Variants in MBTD1 observed in about 807,000 individuals in gnomAD.
The protein encoded by MBTD1 is MBT domain-containing protein 1.
A neutral mutation model predicts 87.8 loss-of-function variants in MBTD1; 24 were observed. That is an observed-to-expected ratio of 0.27 (90% CI 0.20 to 0.38). The LOEUF (loss-of-function observed/expected upper bound fraction) is 0.38. Ranked by LOEUF, MBTD1 falls within the 10% of genes least tolerant of loss-of-function variation. The pLI, the probability that MBTD1 is intolerant of heterozygous loss-of-function variation, is 1.00. For missense variants in MBTD1, 436 were observed against 760.2 expected, an observed-to-expected ratio of 0.57 and a Z score of 5.02; for synonymous variants, 237 against 248.6, an observed-to-expected ratio of 0.95 and a Z score of 0.44.
At chr17:51,244,313 T>C (rs148086191) in intron 2 of MBTD1, among the ~76,000 whole-genome samples, 14 of 152,346 alleles carry the variant, frequency 9.2e-5, no homozygotes, top group South Asian at 2.1e-4. Flanking sequence ...ATGAATTCAC[T>C]AACTTCTATT....
chr17:51,239,024 T>G (rs1266049699), intron 2 of MBTD1, among the ~76,000 whole-genome samples: 1 of 151,988 alleles, frequency 6.6e-6, no homozygotes, highest in Non-Finnish European at 1.5e-5. Context: ...TGCTTGAACT[T>G]TGGAGGAGGA....
At chr17:51,202,578 A>G (rs1179840099) in intron 10 of MBTD1, 123 bp downstream of exon 10, 2 of 731,900 alleles carry the variant, frequency 2.7e-6, no homozygotes, top group African/African-American at 3.5e-5. Flanking sequence ...TTAAGGTAGA[A>G]GAAGCAGCCC....
intron 2 of MBTD1, among the ~76,000 whole-genome samples, chr17:51,236,932 G>A (rs1598406397): frequency 6.6e-6 from 1 of 152,038 alleles, no homozygotes; most frequent in Admixed American, 6.6e-5. Flanking sequence ...TAAAACTTCT[G>A]GGAAAAATAT....
chr17:51,181,021 C>CTTTTT (rs57226972), intron 16 of MBTD1, among the ~76,000 whole-genome samples: 1 of 122,752 alleles, frequency 8.1e-6, no homozygotes, highest in Non-Finnish European at 1.7e-5. Context: ...GAAGTACAAT[C>CTTTTT]TTTTTTTTTT....
chr17:51,194,566 CAAAAAAAAAAA>C (rs71355733), intron 13 of MBTD1, among the ~76,000 whole-genome samples: 5 of 19,752 alleles, frequency 2.5e-4, no homozygotes, highest in South Asian at 2.2e-3. Context: ...GAGACTGTCT[CAAAAAAAAAAA>C]AAAAAAAAAA....
intron 10 of MBTD1, 152 bp from the exon 11 acceptor site, chr17:51,202,229 G>A: frequency 3.3e-6 from 2 of 613,422 alleles, no homozygotes. Context: ...TTCTTTAATA[G>A]TCTTTTCTCT....
At chr17:51,251,394 G>T (rs1347536648) in intron 2 of MBTD1, 2 of 152,050 alleles carry the variant, frequency 1.3e-5, no homozygotes, top group Non-Finnish European at 2.9e-5. Context: ...CCCTTATGAG[G>T]CAATGCTTAT....
At chr17:51,212,412 G>A (rs960034466) in intron 6 of MBTD1, among the ~76,000 whole-genome samples, 16 of 148,158 alleles carry the variant, frequency 1.1e-4, no homozygotes, top group African/African-American at 4.0e-4. Flanking sequence ...CAGCTGAAAA[G>A]TTTCTGCATC....
intron 16 of MBTD1, among the ~76,000 whole-genome samples, chr17:51,182,358 CTCA>C (rs2050352396): frequency 6.6e-6 from 1 of 152,010 alleles, no homozygotes; most frequent in African/African-American, 2.4e-5. Context: ...AACTCCTAGC[CTCA>C]TGTGATCCAC....
chr17:51,205,128 A>G (rs2051743625), intron 7 of MBTD1, among the ~76,000 whole-genome samples: 1 of 152,246 alleles, frequency 6.6e-6, no homozygotes, highest in African/African-American at 2.4e-5. Flanking sequence ...AAAAAGGCCA[A>G]TATATGTGTA....
At chr17:51,232,102 G>A (rs77236165) in intron 2 of MBTD1, among the ~76,000 whole-genome samples, 5,640 of 152,076 alleles carry the variant, frequency 0.037, 288 homozygotes, top group African/African-American at 0.11. Context: ...CCACGCTCTC[G>A]GTGAAGAGGC....
At chr17:51,220,511 C>T (rs76608655) in intron 3 of MBTD1, 48 bp from the exon 4 acceptor site, 41,071 of 1,435,956 alleles carry the variant, frequency 0.029, 678 homozygotes, top group Admixed American at 0.036. Context: ...ATAATAAAAT[C>T]AATCTTCATC....
intron 16 of MBTD1, among the ~76,000 whole-genome samples, chr17:51,181,768 G>T (rs1442282768): frequency 2.6e-5 from 4 of 152,186 alleles, no homozygotes; most frequent in African/African-American, 9.7e-5. Flanking sequence ...GTTCAAAGCT[G>T]AGTGCCTGCC....
chr17:51,236,933 G>A (rs1267690567), intron 2 of MBTD1, among the ~76,000 whole-genome samples: 3 of 151,994 alleles, frequency 2.0e-5, no homozygotes, highest in Admixed American at 2.0e-4. Flanking sequence ...AAAACTTCTG[G>A]GAAAAATATT....
At chr17:51,238,440 A>G (rs751826384) in intron 2 of MBTD1, among the ~76,000 whole-genome samples, 2 of 152,240 alleles carry the variant, frequency 1.3e-5, no homozygotes, top group Non-Finnish European at 2.9e-5. Flanking sequence ...TAGGAACTAC[A>G]TGATTCAGTA....
intron 6 of MBTD1, among the ~76,000 whole-genome samples, chr17:51,212,869 G>C (rs1167084028): frequency 6.6e-6 from 1 of 151,968 alleles, no homozygotes; most frequent in Non-Finnish European, 1.5e-5. Flanking sequence ...CAATTCTCCT[G>C]CCTCAGCCTC....
At chr17:51,239,401 AATTT>A (rs1251302714) in intron 2 of MBTD1, among the ~76,000 whole-genome samples, 1 of 152,172 alleles carries the variant, frequency 6.6e-6, no homozygotes, top group Non-Finnish European at 1.5e-5. Context: ...TTTATTTATA[AATTT>A]ATAAGTTACA....
At chr17:51,220,575 C>A in intron 3 of MBTD1, 112 bp from the exon 4 acceptor site, 1 of 1,016,052 alleles carries the variant, frequency 9.8e-7, no homozygotes, top group Non-Finnish European at 1.4e-6. Context: ...AAAAAATTTG[C>A]CTTGAACATT....
intron 7 of MBTD1, 125 bp downstream of exon 7, chr17:51,206,763 C>A: frequency 1.6e-6 from 1 of 630,840 alleles, no homozygotes; most frequent in South Asian, 2.1e-5. Context: ...ATTTGCCAAC[C>A]CCTGCCCTAT....
Sources: allele counts gnomAD v4.1 joint callset (sites outside exome capture counted in the v4.1 genomes callset), GRCh38; gene constraint gnomAD v4.1.1; transcripts MANE v1.5; gene names NCBI Gene and HGNC (gene_info 2026-07-23, HGNC 2026-07-21).